Variants in LRATD1 observed in about 807,000 individuals in gnomAD.
LRATD1 encodes the protein protein LRATD1.
Under a neutral mutation model 21.3 loss-of-function variants are expected in LRATD1, and 8 were observed. That is an observed-to-expected ratio of 0.38 (90% CI 0.22 to 0.68). The LOEUF (loss-of-function observed/expected upper bound fraction) is 0.68, where lower values mean the gene tolerates loss of function less well. LRATD1 is among the 30% of genes least tolerant of loss of function. The pLI, the probability that LRATD1 is intolerant of heterozygous loss-of-function variation, is 0.54. For synonymous variants in LRATD1, 210 were observed against 186.2 expected (o/e 1.13, Z -1.04); for missense variants, 380 against 404.0 (o/e 0.94, Z 0.51).
At chr2:14,651,785 T>C (rs1455659979), downstream of LRATD1, among the ~76,000 whole-genome samples, 1 of 152,028 alleles carries the variant, frequency 6.6e-6, no homozygotes, top group African/African-American at 2.4e-5. Context: ...TTTATATTTT[T>C]GATAGAATTT....
At chr2:14,645,026 T>C (rs1280274673), downstream of LRATD1, among the ~76,000 whole-genome samples, 2 of 152,212 alleles carry the variant, frequency 1.3e-5, no homozygotes, top group African/African-American at 2.4e-5. Context: ...ATATTGTGTT[T>C]AATTTAAAAT....
At chr2:14,642,797 A>G (rs1190419221), downstream of LRATD1, among the ~76,000 whole-genome samples, 5 of 152,164 alleles carry the variant, frequency 3.3e-5, no homozygotes, top group Non-Finnish European at 7.4e-5. Context: ...TGAGAATGTA[A>G]CTAGATTAAT....
chr2:14,649,395 C>A (rs908099828), exon 5 of LRATD1: 1 of 456,118 alleles, frequency 2.2e-6, no homozygotes, highest in African/African-American at 2.0e-5. Flanking sequence ...GCAACTGGAC[C>A]CCCTCGACCT....
Position 14,636,467 on chromosome 2 carries a change from A to T in LRATD1, c.*1609A>T, listed in dbSNP as rs1324228423. On this transcript the variant is annotated 3_prime_UTR_variant, in exon 2 of 2. Transcript: ENST00000295092. ...CCACAGTTCAGTTCTTCCTGAAAAC[A>T]GGGATGATGAACTTGTAGGATCAGG... The T allele has an allele frequency of 1.2e-5, 2 of 167,102 alleles. No individual in the cohort carries two copies. Among genetic ancestry groups the T allele is most frequent in the African/African-American group, 4.8e-5 (2 of 41,466 alleles). 10.4% of individuals were successfully genotyped at this position (167,102 alleles called of 1,614,324 possible).
chr2:14,650,814 A>G (rs1249296054), downstream of LRATD1: 1 of 152,154 alleles, frequency 6.6e-6, no homozygotes, highest in Non-Finnish European at 1.5e-5. Context: ...CTTTGGATAG[A>G]TTCTTTTTTC....
chr2:14,634,973 T>G lies in LRATD1; in HGVS notation c.*115T>G. ...CCTCTGCCCCGCCCCGCCACGCGCG[T>G]CCGCCGCCGGTGGCCCGGGCCCGGG... On this transcript the variant is annotated 3_prime_UTR_variant, in exon 2 of 2. Coordinates refer to ENST00000295092, the MANE Select transcript of LRATD1 (RefSeq NM_145175.4). 7.3e-7 allele frequency: 1 copy of G among 1,367,298 alleles called. No homozygotes were observed. The highest frequency in any genetic ancestry group is 9.9e-7 in the Non-Finnish European group (1 of 1,014,038). The allele number at this position is 1,367,298 out of a possible 1,614,324, so 84.7% of individuals were successfully genotyped here.
chr2:14,633,906 G>A lies in LRATD1; in HGVS notation c.-36-38G>A. ...GAGGGACACCGAAAGGGGCAGCCCG[G>A]ACTCTGACGGTGTCTCTGCCTCTCT... is the stretch of plus-strand genomic sequence containing the variant. On this transcript the variant is annotated intron_variant, in intron 1 of 1. Transcript: ENST00000295092. This position sits in a 1 kb window ranked among gnomAD's most constrained non-coding sequence, Gnocchi z 7.5. The A allele has an allele frequency of 6.5e-7, 1 of 1,527,574 alleles. No homozygotes were observed. The allele number at this position is 1,527,574 out of a possible 1,614,324, so 94.6% of individuals were successfully genotyped here.
chr2:14,633,532 G>A lies in LRATD1; in HGVS notation c.-36-412G>A. On this transcript the variant is annotated intron_variant, in intron 1 of 1. Transcript: ENST00000295092. This position sits in a 1 kb window ranked among gnomAD's most constrained non-coding sequence, Gnocchi z 7.5. ...AGGTGGGCTGGAGAGGGTGGGGACA[G>A]AAATGGGAGCTTGCTCCCAGCTCAC... 1 of 175,236 alleles carries A rather than the reference G, an allele frequency of 5.7e-6. No homozygotes were observed. The allele number at this position is 175,236 out of a possible 1,614,324, so 10.9% of individuals were successfully genotyped here.
downstream of LRATD1, among the ~76,000 whole-genome samples, chr2:14,644,458 G>A (rs1460847116): frequency 6.6e-6 from 1 of 151,990 alleles, no homozygotes; most frequent in Non-Finnish European, 1.5e-5. Context: ...TACTATTTTA[G>A]AGTGAGTTTG....
intron 4 of LRATD1, among the ~76,000 whole-genome samples, chr2:14,647,824 GA>G (rs1216198735): frequency 3.3e-5 from 5 of 152,020 alleles, no homozygotes; most frequent in Non-Finnish European, 5.9e-5. Context: ...TCTATTAAAG[GA>G]AGTACAAATA....
At position 14,639,869 on chromosome 2, in the gene LRATD1, T is replaced by C. The variant is rs1418877648; in HGVS notation, c.*5011T>C. On this transcript the variant is annotated 3_prime_UTR_variant, in exon 2 of 2. Transcript: ENST00000295092. ...CAGAAAGCCCGTCACTTGCCTTGCCTGCAAAGGCGAGCCTAAAGAAATTTC... is the reference window on the plus strand; with the variant it reads ...CAGAAAGCCCGTCACTTGCCTTGCCCGCAAAGGCGAGCCTAAAGAAATTTC... The C allele has an allele frequency of 1.3e-4, 22 of 167,172 alleles. No homozygotes were observed. Among genetic ancestry groups the C allele is most frequent in the Non-Finnish European group, 7.3e-5 (5 of 68,146 alleles). The allele number at this position is 167,172 out of a possible 1,614,324, so 10.4% of individuals were successfully genotyped here. A position where few individuals can be genotyped will look rare whatever the true frequency, so the allele number is the denominator to read the frequency against.
At chr2:14,641,184 A>G (rs948555437), downstream of LRATD1, among the ~76,000 whole-genome samples, 11 of 152,108 alleles carry the variant, frequency 7.2e-5, no homozygotes, top group African/African-American at 1.9e-4. Context: ...AACTAAGGAC[A>G]CACCCCCTAC....
intron 4 of LRATD1, among the ~76,000 whole-genome samples, chr2:14,646,681 A>G (rs1476806432): frequency 6.6e-6 from 1 of 152,178 alleles, no homozygotes; most frequent in Non-Finnish European, 1.5e-5. Flanking sequence ...ACAAAATAAT[A>G]ACTGTTTAGT....
chr2:14,642,364 A>T (rs1447045495), downstream of LRATD1, among the ~76,000 whole-genome samples: 4 of 152,140 alleles, frequency 2.6e-5, no homozygotes, highest in Non-Finnish European at 4.4e-5. Flanking sequence ...TTACTATGGA[A>T]ATATAGATTT....
chr2:14,649,419 CTT>C (rs1448945333), exon 5 of LRATD1: 1 of 454,824 alleles, frequency 2.2e-6, no homozygotes, highest in Non-Finnish European at 4.4e-6. Flanking sequence ...TGAATGTACT[CTT>C]TTCAGCAACC....
rs1212685796 is a variant in LRATD1, at chr2:14,634,120, C to T, written c.141C>T (p.Arg47=). ...ATGATGAGGAAGACCTGGACGAACGCGGGCAGCCCGACAAGTTTGGCGTGA... is the reference window on the plus strand; with the variant it reads ...ATGATGAGGAAGACCTGGACGAACGTGGGCAGCCCGACAAGTTTGGCGTGA... ...FSDDEEDLDE[R]GQPDKFGVKA... Residue 47 remains arginine (R), a synonymous_variant, in exon 2 of 2, where the codon CGC becomes CGT. Coordinates refer to ENST00000295092, the MANE Select transcript of LRATD1 (RefSeq NM_145175.4). 1.2e-6 allele frequency: 2 copies of T among 1,614,126 alleles called. No homozygotes were observed. The highest frequency in any genetic ancestry group is 1.1e-5 in the South Asian group (1 of 91,076).
chr2:14,634,723 C>A lies in LRATD1; in HGVS notation c.744C>A (p.His248Gln). Reference protein sequence around the residue: ...PPQQQYYLKVHLGENKVHTAR... With the variant: ...PPQQQYYLKVQLGENKVHTAR... The stretch of plus-strand genomic sequence containing the variant: ...AGCAGCAGTACTATCTCAAGGTGCA[C>A]CTGGGAGAGAACAAGGTCCACACCG... Residue 248 changes from histidine (H) to glutamine (Q), a missense_variant, in exon 2 of 2, where the codon CAC becomes CAA. His to Gln is a conservative substitution (Grantham distance 24). Transcript: ENST00000295092. 7 of 1,559,244 alleles carry A rather than the reference C, an allele frequency of 4.5e-6. No individual in the cohort carries two copies. Among genetic ancestry groups the A allele is most frequent in the Non-Finnish European group, 6.1e-6 (7 of 1,149,038 alleles).
chr2:14,640,395 A>T (rs958869793), downstream of LRATD1, among the ~76,000 whole-genome samples: 8 of 152,180 alleles, frequency 5.3e-5, no homozygotes, highest in African/African-American at 1.9e-4. Context: ...TGAGTTCTGA[A>T]CTTTATTTTG....
chr2:14,639,577 CGAAATA>C lies in LRATD1; in HGVS notation c.*4723_*4728del, dbSNP rs1558256311. ...GTTGTATGTTTACCTCATTTGAACTCGAAATAGAAGAGGTTTAAGTATTTGAATAAG... is the reference window on the plus strand; with the variant it reads ...GTTGTATGTTTACCTCATTTGAACTCGAAGAGGTTTAAGTATTTGAATAAG... On this transcript the variant is annotated 3_prime_UTR_variant, in exon 2 of 2. Coordinates refer to ENST00000295092, the MANE Select transcript of LRATD1 (RefSeq NM_145175.4). 6.0e-6 allele frequency: 1 copy of C among 166,904 alleles called. No homozygotes were observed. The highest frequency in any genetic ancestry group is 1.5e-5 in the Non-Finnish European group (1 of 68,106). 10.3% of individuals were successfully genotyped at this position (166,904 alleles called of 1,614,324 possible).
Sources: allele counts gnomAD v4.1 joint callset (sites outside exome capture counted in the v4.1 genomes callset), GRCh38; gene constraint gnomAD v4.1.1; non-coding constraint Gnocchi (gnomAD v3.1); transcripts MANE v1.5; gene names NCBI Gene and HGNC (gene_info 2026-07-23, HGNC 2026-07-21).